The following PEDS1 variants were observed in gnomAD, a reference collection of about 807,000 sequenced individuals.
PEDS1 encodes CarF homolog.
In PEDS1, 14 loss-of-function variants were observed where a neutral mutation model predicts 35.2. That is an observed-to-expected ratio of 0.40 (90% CI 0.26 to 0.62). The LOEUF (loss-of-function observed/expected upper bound fraction) is 0.62. PEDS1 is among the 20% of genes least tolerant of loss of function. The pLI is 0.44. For synonymous variants in PEDS1, 152 were observed against 152.0 expected, an observed-to-expected ratio of 1.00 and a Z score of 0.00; for missense variants, 260 against 367.8, an observed-to-expected ratio of 0.71 and a Z score of 2.40.
At chr20:50,125,327 G>A (rs947004547) in intron 5 of PEDS1, 148 bp from the exon 6 acceptor site, 3 of 1,098,290 alleles carry the variant, frequency 2.7e-6, no homozygotes, top group Admixed American at 2.6e-5. Context: ...GGAACTGGAA[G>A]TGGGGGCCTC....
intron 2 of PEDS1, among the ~76,000 whole-genome samples, chr20:50,140,227 G>A (rs1404910464): frequency 6.6e-6 from 1 of 152,182 alleles, no homozygotes; most frequent in Non-Finnish European, 1.5e-5. Context: ...CACCTCCACC[G>A]CTCCACCCAG....
intron 2 of PEDS1, among the ~76,000 whole-genome samples, chr20:50,135,056 G>A (rs531796916): frequency 2.6e-5 from 4 of 152,064 alleles, no homozygotes; most frequent in East Asian, 3.9e-4. Flanking sequence ...GTGGTGGTGC[G>A]GACCTGTAGT....
Position 50,129,456 on chromosome 20 carries a change from G to A in PEDS1, c.478+90C>T, listed in dbSNP as rs924468160. The A allele has an allele frequency of 1.0e-5, 16 of 1,533,500 alleles. No homozygotes were observed. The highest frequency in any genetic ancestry group is 1.4e-5 in the Non-Finnish European group (16 of 1,139,174). The allele number at this position is 1,533,500 out of a possible 1,614,324, so 95.0% of individuals were successfully genotyped here. On this transcript the variant is annotated intron_variant, in intron 4 of 5. Coordinates refer to ENST00000371652, the MANE Select transcript of PEDS1 (RefSeq NM_199129.4). The surrounding 1 kb of genome is among the most constrained non-coding windows in gnomAD (Gnocchi z 4.2). ...GAAAACTCTTTTAAAATACCATAAG[G>A]AGCCAAACACATAAGCCCCAGAAGG...
At position 50,142,381 on chromosome 20, in the gene PEDS1, TA is replaced by T. The variant is rs1460354283; in HGVS notation, c.241+1120del. On this transcript the variant is annotated intron_variant, in intron 2 of 5. Transcript: ENST00000371652. ...GAGAGATGTTGGGAGAGATAGATGA[TA>T]AACAAATAAAGACACTGTGGACACA... Among the ~76,000 whole-genome samples, 8 of 152,168 alleles carry T rather than the reference TA, an allele frequency of 5.3e-5. No individual in the cohort carries two copies. In the East Asian group the frequency reaches 1.5e-3, roughly 29 times the overall value.
chr20:50,128,184 G>A lies in PEDS1; in HGVS notation c.482C>T (p.Ala161Val), dbSNP rs143619190. 6.2e-7 allele frequency: 1 copy of A among 1,613,862 alleles called. No individual in the cohort carries two copies. Among genetic ancestry groups the A allele is most frequent in the African/African-American group, 1.3e-5 (1 of 74,892 alleles). ...AYKFRTHSPE[A>V]LEQLYPWECF... is the part of the protein sequence containing the mutation. ...CTCCCAGGGGTATAGCTGCTCCAGG[G>A]CTTCTGCAGGTTGGGGAGAGGGGGG... Residue 161 changes from alanine to valine, a missense_variant, in exon 5 of 6, where the codon GCC (alanine) becomes GTC (valine). By Grantham distance (64) the Ala-to-Val change is moderately conservative. Around this residue, in one of 4 missense-constraint regions of PEDS1, gnomAD observed 29 missense variants for 21.5 expected, o/e 1.35. Transcript: ENST00000371652. The surrounding 1 kb of genome is among the most constrained non-coding windows in gnomAD (Gnocchi z 5.2).
At chr20:50,139,335 C>T (rs997752722) in intron 2 of PEDS1, among the ~76,000 whole-genome samples, 7 of 152,216 alleles carry the variant, frequency 4.6e-5, no homozygotes, top group Admixed American at 4.6e-4. Context: ...CACCCACTCA[C>T]TCACGACAAC....
rs575745129 is a variant in PEDS1 at position 50,121,032 on chromosome 20, C to T, written c.*4026G>A. 2.6e-4 allele frequency: 40 copies of T among 152,398 alleles called. No homozygotes were observed. Among genetic ancestry groups the T allele is most frequent in the Non-Finnish European group, 5.0e-4 (34 of 68,096 alleles). The allele number at this position is 152,398 out of a possible 1,614,324, so 9.4% of individuals were successfully genotyped here. ...TGCCACCACCAGACAGCAGCACATGCCTACCTGAAACCAAGCCATCCCACA... is the reference window on the plus strand; with the variant it reads ...TGCCACCACCAGACAGCAGCACATGTCTACCTGAAACCAAGCCATCCCACA... On this transcript the variant is annotated 3_prime_UTR_variant, in exon 6 of 6. Coordinates refer to ENST00000371652, the MANE Select transcript of PEDS1 (RefSeq NM_199129.4).
At chr20:50,148,371 G>A (rs192128902) in intron 1 of PEDS1, among the ~76,000 whole-genome samples, 23 of 152,326 alleles carry the variant, frequency 1.5e-4, no homozygotes, top group African/African-American at 5.5e-4. Flanking sequence ...CTGAGGTGGG[G>A]ACAGGGAGGG....
At chr20:50,126,600 C>T (rs2081107652) in intron 5 of PEDS1, among the ~76,000 whole-genome samples, 1 of 152,200 alleles carries the variant, frequency 6.6e-6, no homozygotes, top group South Asian at 2.1e-4. Context: ...GAGGCGGCTG[C>T]AGCCCTATTT....
In PEDS1 at chr20:50,143,418, G is replaced by A. The variant is rs150387742; in HGVS notation, c.241+84C>T. ...GACTCAAGCACACACATCCATGCAT[G>A]TGGACACACACACGCGCCAGTTACC... On this transcript the variant is annotated intron_variant, in intron 2 of 5. Transcript: ENST00000371652. The A allele has an allele frequency of 4.4e-3, 6,796 of 1,539,406 alleles. 24 individuals carry two copies. The highest frequency in any genetic ancestry group is 4.9e-3 in the Non-Finnish European group (5,553 of 1,139,582).
At chr20:50,132,623 C>T (rs938275623) in intron 2 of PEDS1, among the ~76,000 whole-genome samples, 3 of 152,166 alleles carry the variant, frequency 2.0e-5, no homozygotes, top group African/African-American at 4.8e-5. Context: ...TCCAAGCACT[C>T]GGCACCTCTG....
chr20:50,147,290 A>C (rs1273232544), intron 1 of PEDS1, among the ~76,000 whole-genome samples: 1 of 152,158 alleles, frequency 6.6e-6, no homozygotes, highest in Non-Finnish European at 1.5e-5. Flanking sequence ...TCCCTCAACA[A>C]CACAGGGCTC....
In PEDS1 at chr20:50,137,330, C is replaced by T. The variant is rs531072159; in HGVS notation, c.241+6172G>A. ...TGCTGGGATGACAGGCGTGAGCCAC[C>T]GCACCCAGCCGAGGGTAACTTAACT... On this transcript the variant is annotated intron_variant, in intron 2 of 5. Transcript: ENST00000371652. 9.2e-5 allele frequency among the ~76,000 whole-genome samples: 14 copies of T among 152,228 alleles called. No homozygotes were observed. The South Asian group carries it at 1.7e-3, about 18-fold the overall frequency.
At position 50,128,989 on chromosome 20, in the gene PEDS1, G is replaced by A. The variant is rs191483086; in HGVS notation, c.478+557C>T. On this transcript the variant is annotated intron_variant, in intron 4 of 5. Coordinates refer to ENST00000371652, the MANE Select transcript of PEDS1 (RefSeq NM_199129.4). This position sits in a 1 kb window ranked among gnomAD's most constrained non-coding sequence, Gnocchi z 5.2. Reference sequence around the variant, plus strand: ...CACGTCCTCACCACCTCTACCCACCGGAGGCTGCCTGAAGAACAAATGGGT... The same window carrying A: ...CACGTCCTCACCACCTCTACCCACCAGAGGCTGCCTGAAGAACAAATGGGT... 5.3e-5 allele frequency among the ~76,000 whole-genome samples: 8 copies of A among 152,320 alleles called. No individual in the cohort carries two copies. The highest frequency in any genetic ancestry group is 1.7e-4 in the African/African-American group (7 of 41,564).
At chr20:50,138,840 G>C (rs1177074358) in intron 2 of PEDS1, among the ~76,000 whole-genome samples, 1 of 152,212 alleles carries the variant, frequency 6.6e-6, no homozygotes, top group African/African-American at 2.4e-5. Flanking sequence ...CAGAACACTG[G>C]GACAAGGAGA....
At chr20:50,125,302 A>C in intron 5 of PEDS1, 123 bp from the exon 6 acceptor site, 1 of 1,322,100 alleles carries the variant, frequency 7.6e-7, no homozygotes, top group Non-Finnish European at 1.0e-6. Flanking sequence ...AGGATAGGAC[A>C]CAGGGACCGG....
chr20:50,153,714 G>C lies in PEDS1; in HGVS notation c.-77C>G. ...GGCCGCGGAACCGCGGCGAGATCACGCCGCCCAATGACCGCCCAGCGCCGG... is the reference window on the plus strand; with the variant it reads ...GGCCGCGGAACCGCGGCGAGATCACCCCGCCCAATGACCGCCCAGCGCCGG... On this transcript the variant is annotated 5_prime_UTR_variant, in exon 1 of 6. Coordinates refer to ENST00000371652, the MANE Select transcript of PEDS1 (RefSeq NM_199129.4). 2 of 1,138,910 alleles carry C rather than the reference G, an allele frequency of 1.8e-6. No individual in the cohort carries two copies. The highest frequency in any genetic ancestry group is 8.6e-5 in the South Asian group (2 of 23,216). The allele number at this position is 1,138,910 out of a possible 1,614,324, so 70.6% of individuals were successfully genotyped here. A position where few individuals can be genotyped will look rare whatever the true frequency, so the allele number is the denominator to read the frequency against.
intron 1 of PEDS1, among the ~76,000 whole-genome samples, chr20:50,145,684 T>C (rs1261613095): frequency 6.7e-6 from 1 of 149,860 alleles, no homozygotes; most frequent in African/African-American, 2.5e-5. Context: ...AGAGTAAAAC[T>C]CCATCTCAAG....
intron 5 of PEDS1, among the ~76,000 whole-genome samples, chr20:50,127,733 G>C (rs983309265): frequency 1.3e-5 from 2 of 152,176 alleles, no homozygotes; most frequent in Non-Finnish European, 2.9e-5. Context: ...GATGATGGGT[G>C]GCTGGAATCA....
Sources: allele counts gnomAD v4.1 joint callset (sites outside exome capture counted in the v4.1 genomes callset), GRCh38; gene constraint gnomAD v4.1.1; regional missense constraint gnomAD v4.1.1; non-coding constraint Gnocchi (gnomAD v3.1); transcripts MANE v1.5; gene names NCBI Gene and HGNC (gene_info 2026-07-23, HGNC 2026-07-21).